Variants in CIP2A observed in about 807,000 individuals in gnomAD.
The protein encoded by CIP2A is protein CIP2A.
A neutral mutation model predicts 110.9 loss-of-function variants in CIP2A; 103 were observed. That is an observed-to-expected ratio of 0.93 (90% CI 0.79 to 1.09). The LOEUF (loss-of-function observed/expected upper bound fraction) is 1.09. Ranked by LOEUF, CIP2A falls within the 50% of genes least tolerant of loss-of-function variation. The pLI, the probability that CIP2A is intolerant of heterozygous loss-of-function variation, is 0.00. For synonymous variants in CIP2A, 381 were observed against 361.6 expected (o/e 1.05, Z -0.61); for missense variants, 1,088 against 1,038.4 (o/e 1.05, Z -0.66).
At chr3:108,559,669 A>G (rs937726884) in intron 16 of CIP2A, 88 bp downstream of exon 16, 4 of 626,144 alleles carry the variant, frequency 6.4e-6, no homozygotes, top group Non-Finnish European at 2.5e-6. Flanking sequence ...ATTTACTTCA[A>G]TTAGAGTAAC....
In CIP2A at chr3:108,581,430, C is replaced by T. The variant is rs2107366145; in HGVS notation, c.534G>A (p.Thr178=). Residue 178 remains threonine (T), a synonymous_variant, in exon 5 of 21, where the codon ACG becomes ACA. Transcript: ENST00000295746. ...NLCRHNLSVQ[T]HIKTLSNVKS... is the part of the protein sequence containing the mutation. ...AACTTCTTACCAATGTCTTTATGTG[C>T]GTTTGAACAGAAAGATTGTGCCGAC... is the stretch of plus-strand genomic sequence containing the variant. 8 of 1,609,726 alleles carry T rather than the reference C, an allele frequency of 5.0e-6. No individual in the cohort carries two copies. The highest frequency in any genetic ancestry group is 6.8e-6 in the Non-Finnish European group (8 of 1,176,440).
At position 108,568,254 on chromosome 3, in the gene CIP2A, T is replaced by C. The variant is rs375943237; in HGVS notation, c.1174A>G (p.Thr392Ala). Reference protein sequence around the residue: ...ADRFVTLLLPTILDQLQFTEQ... With the variant: ...ADRFVTLLLPAILDQLQFTEQ... ...GTGAACTGAAGTTGATCAAGGATTGTAGGCAGCAGAAGGGTCACAAAACGA... is the reference window on the plus strand; with the variant it reads ...GTGAACTGAAGTTGATCAAGGATTGCAGGCAGCAGAAGGGTCACAAAACGA... The change falls in exon 10 of 21, where the codon ACA becomes GCA. Residue 392 changes from threonine to alanine, a missense_variant. By Grantham distance (58) the Thr-to-Ala change is moderately conservative. Coordinates refer to ENST00000295746, the MANE Select transcript of CIP2A (RefSeq NM_020890.3). The C allele has an allele frequency of 2.2e-5, 35 of 1,612,208 alleles. No individual in the cohort carries two copies. The highest frequency in any genetic ancestry group is 2.1e-4 in the African/African-American group (16 of 74,814).
chr3:108,572,339 T>C (rs1421644443), intron 8 of CIP2A, among the ~76,000 whole-genome samples: 1 of 152,106 alleles, frequency 6.6e-6, no homozygotes, highest in Non-Finnish European at 1.5e-5. Context: ...CACATTTAAA[T>C]CTACAACCTG....
At chr3:108,568,422 C>T (rs1276014056) in intron 9 of CIP2A, 108 bp from the exon 10 acceptor site, 1 of 829,878 alleles carries the variant, frequency 1.2e-6, no homozygotes. Flanking sequence ...ATATTTCCTT[C>T]AATATGCCAT....
chr3:108,561,568 T>C (rs768006221), intron 13 of CIP2A, among the ~76,000 whole-genome samples: 2 of 151,518 alleles, frequency 1.3e-5, no homozygotes, highest in African/African-American at 4.9e-5. Context: ...ACTCAGGGGG[T>C]TGAGTTGGGA....
At chr3:108,581,367 A>G (rs1394381667) in intron 5 of CIP2A, 48 bp downstream of exon 5, 2 of 1,284,768 alleles carry the variant, frequency 1.6e-6, no homozygotes, top group African/African-American at 3.0e-5. Flanking sequence ...CTTTAAGCAG[A>G]GAATCTACCA....
chr3:108,580,801 T>C (rs963325860), intron 5 of CIP2A, among the ~76,000 whole-genome samples: 36 of 152,082 alleles, frequency 2.4e-4, no homozygotes, highest in African/African-American at 8.2e-4. Context: ...GCTAATTTTT[T>C]GTATTTTGGT....
intron 5 of CIP2A, among the ~76,000 whole-genome samples, chr3:108,580,854 C>G (rs1199366189): frequency 6.6e-6 from 1 of 152,140 alleles, no homozygotes; most frequent in African/African-American, 2.4e-5. Context: ...TCTCCATCTC[C>G]TGACCTTGTG....
chr3:108,568,312 A>C lies in CIP2A; in HGVS notation c.1116T>G (p.Asp372Glu), dbSNP rs773769277. The change falls in exon 10 of 21, where the codon GAT becomes GAG. Residue 372 changes from aspartate (D) to glutamate (E), a missense_variant and splice_region_variant. Physicochemically the swap from Asp to Glu is conservative, Grantham distance 45. Coordinates refer to ENST00000295746, the MANE Select transcript of CIP2A (RefSeq NM_020890.3). ...AGGAACAGTTAGCAGCATCTATGAC[A>C]TCCTGGAGAATTATCCATCACAAAT... ...ALELFKEIFEDVIDAANCSSA... is the reference protein window; with the variant it reads ...ALELFKEIFEEVIDAANCSSA... 2.5e-6 allele frequency: 4 copies of C among 1,610,696 alleles called. No individual in the cohort carries two copies. Among genetic ancestry groups the C allele is most frequent in the Non-Finnish European group, 3.4e-6 (4 of 1,177,984 alleles).
At position 108,575,599 on chromosome 3, in the gene CIP2A, T is replaced by TAC. The variant is rs1938578532; in HGVS notation, c.894+671_894+672insGT. On this transcript the variant is annotated intron_variant, in intron 8 of 20. Coordinates refer to ENST00000295746, the MANE Select transcript of CIP2A (RefSeq NM_020890.3). Reference sequence around the variant, plus strand: ...TCATATACATGTGTATATATACGTGTATATATACTCATATACATGTGTATA... The same window carrying TAC: ...TCATATACATGTGTATATATACGTGTACATATATACTCATATACATGTGTATA... Among the ~76,000 whole-genome samples, 3 of 143,876 alleles carry TAC rather than the reference T, an allele frequency of 2.1e-5. 1 individual carries two copies. Among genetic ancestry groups the TAC allele is most frequent in the Non-Finnish European group, 4.5e-5 (3 of 66,782 alleles). The allele number at this position is 143,876 out of a possible 152,430, so 94.4% of individuals were successfully genotyped here.
intron 10 of CIP2A, 22 bp downstream of exon 10, chr3:108,568,133 C>G: frequency 6.3e-7 from 1 of 1,593,330 alleles, no homozygotes; most frequent in Non-Finnish European, 8.6e-7. Context: ...ACAGTTTTCA[C>G]GTTAATGACA....
intron 13 of CIP2A, among the ~76,000 whole-genome samples, chr3:108,561,450 C>A (rs1307459856): frequency 6.6e-6 from 1 of 152,032 alleles, no homozygotes; most frequent in Non-Finnish European, 1.5e-5. Flanking sequence ...TTGGGAGGAT[C>A]ACTTGAGTCC....
At chr3:108,578,585 G>A (rs181934597) in intron 7 of CIP2A, among the ~76,000 whole-genome samples, 1 of 152,264 alleles carries the variant, frequency 6.6e-6, no homozygotes, top group African/African-American at 2.4e-5. Context: ...CCTGATCATA[G>A]GTGGGGTTCA....
At chr3:108,570,947 T>C (rs1938383986) in intron 8 of CIP2A, among the ~76,000 whole-genome samples, 1 of 152,110 alleles carries the variant, frequency 6.6e-6, no homozygotes, top group Non-Finnish European at 1.5e-5. Context: ...ACATCTGTAG[T>C]CTATCAGTTT....
At chr3:108,575,382 A>ATG (rs1938549497) in intron 8 of CIP2A, among the ~76,000 whole-genome samples, 1 of 150,234 alleles carries the variant, frequency 6.7e-6, no homozygotes, top group African/African-American at 2.4e-5. Flanking sequence ...ATATACATGT[A>ATG]TGCGTGTATA....
chr3:108,576,391 T>C lies in CIP2A; in HGVS notation c.819-45A>G, dbSNP rs75516210. 10,147 of 1,015,208 alleles carry C rather than the reference T, an allele frequency of 1.0e-2. 758 individuals are homozygous for C. In the African/African-American group the frequency reaches 0.15, roughly 15 times the overall value. The allele number at this position is 1,015,208 out of a possible 1,614,324, so 62.9% of individuals were successfully genotyped here. On this transcript the variant is annotated intron_variant, in intron 7 of 20. Coordinates refer to ENST00000295746, the MANE Select transcript of CIP2A (RefSeq NM_020890.3). ...ATACATCAAATGATAAATATAAAAT[T>C]GATACATCAAAAGGGATTTATCTAC... is the stretch of plus-strand genomic sequence containing the variant.
At chr3:108,575,420 A>G (rs1456373713) in intron 8 of CIP2A, among the ~76,000 whole-genome samples, 1 of 95,538 alleles carries the variant, frequency 1.0e-5, no homozygotes, top group African/African-American at 2.9e-5. Context: ...GTATACATAT[A>G]CATGTATACA....
At chr3:108,585,905 TACAC>T (rs112253293) in intron 1 of CIP2A, 14 of 378,752 alleles carry the variant, frequency 3.7e-5, no homozygotes, top group African/African-American at 2.3e-4. Context: ...GACACATACA[TACAC>T]ACACACACAC....
At chr3:108,576,043 G>T (rs1218522260) in intron 8 of CIP2A, among the ~76,000 whole-genome samples, 3 of 151,636 alleles carry the variant, frequency 2.0e-5, no homozygotes, top group African/African-American at 7.3e-5. Flanking sequence ...CTTGGTAAAG[G>T]TAAGGAATAG....
Sources: gnomAD v4.1 joint callset for allele counts (sites outside exome capture counted in the v4.1 genomes callset) on GRCh38, gnomAD v4.1.1 for gene constraint, MANE v1.5 for transcripts, NCBI Gene and HGNC (gene_info 2026-07-23, HGNC 2026-07-21) for gene names.